JADE3: variants seen among roughly 807,000 people sequenced by gnomAD.
The protein encoded by JADE3 is jade family PHD finger 3.
In JADE3, 2 loss-of-function variants were observed where a neutral mutation model predicts 50.1. That is an observed-to-expected ratio of 0.04 (90% CI 0.02 to 0.13). The LOEUF (loss-of-function observed/expected upper bound fraction) is 0.13. JADE3 is among the 10% of genes least tolerant of loss of function. JADE3 has a pLI of 1.00. For missense variants in JADE3, 475 were observed against 634.4 expected (o/e 0.75, Z 2.70); for synonymous variants, 218 against 232.9 (o/e 0.94, Z 0.58).
At chrX:46,915,981 C>T (rs1556336243) in intron 1 of JADE3, among the ~76,000 whole-genome samples, 2 of 111,631 alleles carry the variant, frequency 1.8e-5, no homozygotes, top group African/African-American at 3.3e-5. Context: ...CTGTGCCCTG[C>T]TACCCAAGGA....
chrX:47,028,136 G>A (rs1224911053), intron 6 of JADE3, 33 bp downstream of exon 6: 13 of 1,038,129 alleles, frequency 1.3e-5, no homozygotes, highest in Non-Finnish European at 1.7e-5. Flanking sequence ...ATCTCCCTAC[G>A]GTCAGCCTTT....
At position 46,996,584 on chromosome X, in the gene JADE3, A is replaced by G. The variant is rs190585941; in HGVS notation, c.127-1536A>G. On this transcript the variant is annotated intron_variant, in intron 3 of 10. Coordinates refer to ENST00000614628, the MANE Select transcript of JADE3 (RefSeq NM_014735.5). The stretch of plus-strand genomic sequence containing the variant: ...CCTCCGTAGGTTTTAAGGGCGATTC[A>G]TTCTTTGCCTCTTCCAGCTTTTGGT... 3.0e-3 allele frequency among the ~76,000 whole-genome samples: 336 copies of G among 112,202 alleles called. 1 individual carries two copies. Among genetic ancestry groups the G allele is most frequent in the Admixed American group, 9.8e-3 (104 of 10,585 alleles).
chrX:46,950,330 C>T (rs962368316), intron 1 of JADE3, among the ~76,000 whole-genome samples: 1 of 112,341 alleles, frequency 8.9e-6, no homozygotes, highest in Non-Finnish European at 1.9e-5. Context: ...TAAGCAACTA[C>T]TAATCTACTT....
intron 5 of JADE3, among the ~76,000 whole-genome samples, chrX:47,025,464 C>T (rs1263643507): frequency 5.3e-5 from 6 of 112,260 alleles, no homozygotes; most frequent in Admixed American, 2.8e-4. Context: ...ATTCACAAAG[C>T]AGTTCTTAGC....
chrX:46,917,954 A>G (rs1345690630), intron 1 of JADE3, among the ~76,000 whole-genome samples: 1 of 108,654 alleles, frequency 9.2e-6, no homozygotes, highest in Non-Finnish European at 1.9e-5. Context: ...GCCTAAACAA[A>G]AATGGTTTAA....
intron 1 of JADE3, among the ~76,000 whole-genome samples, chrX:46,924,403 T>G (rs1926310690): frequency 8.9e-6 from 1 of 112,356 alleles, no homozygotes; most frequent in African/African-American, 3.2e-5. Context: ...TTCCATATAT[T>G]GGGATTGTGG....
intron 1 of JADE3, among the ~76,000 whole-genome samples, chrX:46,920,958 T>A (rs1306089315): frequency 5.3e-5 from 6 of 112,247 alleles, no homozygotes; most frequent in Non-Finnish European, 1.1e-4. Flanking sequence ...AAAAAATTTT[T>A]TTATAGAAAC....
intron 1 of JADE3, among the ~76,000 whole-genome samples, chrX:46,917,495 C>T (rs1556336602): frequency 9.0e-6 from 1 of 110,731 alleles, no homozygotes. Flanking sequence ...GGTAGAATGT[C>T]CCTGTGAGGG....
chrX:46,972,731 C>T (rs1211627487), intron 1 of JADE3, among the ~76,000 whole-genome samples: 2 of 111,727 alleles, frequency 1.8e-5, no homozygotes, highest in African/African-American at 6.5e-5. Flanking sequence ...TCCCGAGCAG[C>T]TGGGATTACA....
At position 47,017,058 on chromosome X, in the gene JADE3, G is replaced by A. The variant is rs1332077643; in HGVS notation, c.285-7666G>A. Among the ~76,000 whole-genome samples, 4 of 111,907 alleles carry A rather than the reference G, an allele frequency of 3.6e-5. No individual in the cohort carries two copies. The East Asian group carries it at 1.1e-3, about 31-fold the overall frequency. On this transcript the variant is annotated intron_variant, in intron 4 of 10. Transcript: ENST00000614628. ...CGAGCTATAGTAACTGAAAATGGATGAGGGAGAAATAAGAATAGATAGAGC... is the reference window on the plus strand; with the variant it reads ...CGAGCTATAGTAACTGAAAATGGATAAGGGAGAAATAAGAATAGATAGAGC...
intron 8 of JADE3, among the ~76,000 whole-genome samples, chrX:47,051,516 G>T (rs1929503515): frequency 8.9e-6 from 1 of 112,482 alleles, no homozygotes. Context: ...GGGCAGCAGG[G>T]TGCAGTGGCT....
chrX:47,034,262 A>G (rs1264254056), intron 7 of JADE3, among the ~76,000 whole-genome samples: 4 of 111,147 alleles, frequency 3.6e-5, no homozygotes, highest in Non-Finnish European at 7.5e-5. Context: ...CTAAAAATAG[A>G]CATAAAGCAC....
At chrX:46,974,960 C>T (rs1927578461) in intron 1 of JADE3, among the ~76,000 whole-genome samples, 1 of 112,175 alleles carries the variant, frequency 8.9e-6, no homozygotes, top group African/African-American at 3.2e-5. Context: ...GGATGTTTAA[C>T]GGCATCCCTC....
intron 1 of JADE3, among the ~76,000 whole-genome samples, chrX:46,925,617 C>T (rs1347505494): frequency 9.1e-6 from 1 of 110,015 alleles, no homozygotes; most frequent in African/African-American, 3.3e-5. Context: ...GTCAGGAGAT[C>T]GAGACCATCC....
At chrX:46,925,467 G>A (rs782123365) in intron 1 of JADE3, among the ~76,000 whole-genome samples, 3 of 111,926 alleles carry the variant, frequency 2.7e-5, no homozygotes, top group Admixed American at 9.4e-5. Context: ...TAAATCCTAC[G>A]TTAGTGGTCA....
chrX:47,007,928 C>G (rs1928471201), intron 4 of JADE3, among the ~76,000 whole-genome samples: 1 of 108,201 alleles, frequency 9.2e-6, no homozygotes, highest in African/African-American at 3.4e-5. Context: ...CTACCAAACT[C>G]GATCCATGTG....
At chrX:46,914,147 A>T (rs1926031010) in intron 1 of JADE3, among the ~76,000 whole-genome samples, 1 of 112,054 alleles carries the variant, frequency 8.9e-6, no homozygotes. Context: ...GCAACCCACA[A>T]TCCACTTTCC....
chrX:47,041,720 G>A (rs782397766), intron 8 of JADE3, among the ~76,000 whole-genome samples: 33 of 105,542 alleles, frequency 3.1e-4, no homozygotes, highest in Non-Finnish European at 6.0e-4. Context: ...TTGTTGCCCA[G>A]GCTTGAGTGC....
At chrX:46,987,560 G>T (rs181422559) in intron 3 of JADE3, among the ~76,000 whole-genome samples, 32 of 112,022 alleles carry the variant, frequency 2.9e-4, no homozygotes, top group Admixed American at 2.6e-3. Flanking sequence ...TGTTTCTTTT[G>T]CCAGGGATTT....
Sources: allele counts gnomAD v4.1 joint callset (sites outside exome capture counted in the v4.1 genomes callset), GRCh38; gene constraint gnomAD v4.1.1; transcripts MANE v1.5; gene names NCBI Gene and HGNC (gene_info 2026-07-23, HGNC 2026-07-21).